CCDC91: variants seen among roughly 807,000 people sequenced by gnomAD.
The protein encoded by CCDC91 is coiled-coil domain-containing protein 91.
Under a neutral mutation model 63.2 loss-of-function variants are expected in CCDC91, and 48 were observed. The ratio of observed to expected loss-of-function variants is 0.76; its 90% CI spans 0.60 to 0.97. The LOEUF (loss-of-function observed/expected upper bound fraction) is 0.97. CCDC91 is among the 50% of genes least tolerant of loss of function. The probability of loss-of-function intolerance (pLI) is 0.00; values close to 1 mark genes in which losing one functional copy is unlikely to be tolerated. For missense variants in CCDC91, 500 were observed against 494.6 expected, an observed-to-expected ratio of 1.01 and a Z score of -0.10; for synonymous variants, 167 against 165.8, an observed-to-expected ratio of 1.01 and a Z score of -0.06.
intron 7 of CCDC91, among the ~76,000 whole-genome samples, chr12:28,364,482 A>G (rs1415068404): frequency 2.6e-5 from 4 of 152,220 alleles, no homozygotes; most frequent in Non-Finnish European, 4.4e-5. Context: ...GTTAATGTAA[A>G]CCAGTTTTAC....
intron 1 of CCDC91, among the ~76,000 whole-genome samples, chr12:28,231,784 T>G (rs1202704743): frequency 6.6e-6 from 1 of 152,158 alleles, no homozygotes; most frequent in East Asian, 1.9e-4. Context: ...ACTTTATTCT[T>G]GTTTATATGA....
intron 1 of CCDC91, among the ~76,000 whole-genome samples, chr12:28,235,714 C>T (rs2135882596): frequency 6.6e-6 from 1 of 151,906 alleles, no homozygotes; most frequent in East Asian, 1.9e-4. Context: ...TTTTAGACTA[C>T]AGTATGAGAT....
chr12:28,423,809 C>T (rs1948151531), intron 8 of CCDC91, among the ~76,000 whole-genome samples: 2 of 151,646 alleles, frequency 1.3e-5, no homozygotes, highest in East Asian at 3.9e-4. Flanking sequence ...AATTTAGTTT[C>T]CAAAAAAGAA....
Position 28,293,895 on chromosome 12 carries a change from G to A in CCDC91, c.110-11754G>A, listed in dbSNP as rs900813883. Among the ~76,000 whole-genome samples, 11 of 151,958 alleles carry A rather than the reference G, an allele frequency of 7.2e-5. No homozygotes were observed. In the East Asian group the frequency reaches 7.8e-4, roughly 11 times the overall value. Reference sequence around the variant, plus strand: ...GTGCTCACCTCCTTGTCTGCAGTGCGCCTGGCTCCTTGCCTGTATTTTTCA... The same window carrying A: ...GTGCTCACCTCCTTGTCTGCAGTGCACCTGGCTCCTTGCCTGTATTTTTCA... On this transcript the variant is annotated intron_variant, in intron 3 of 12. Coordinates refer to ENST00000536442, the MANE Select transcript of CCDC91 (RefSeq NM_018318.5).
chr12:28,454,896 T>C (rs1949989802), intron 11 of CCDC91, among the ~76,000 whole-genome samples: 1 of 152,014 alleles, frequency 6.6e-6, no homozygotes, highest in South Asian at 2.1e-4. Context: ...TTTCAGTTTG[T>C]CTCTGGATTT....
chr12:28,394,140 C>T (rs1056512450), intron 8 of CCDC91, among the ~76,000 whole-genome samples: 7 of 152,062 alleles, frequency 4.6e-5, no homozygotes, highest in Non-Finnish European at 7.4e-5. Flanking sequence ...GGATTATAAG[C>T]GGTTCAGTAT....
rs185011015 is a variant in CCDC91 at position 28,358,188 on chromosome 12, A to T, written c.577-4250A>T. On this transcript the variant is annotated intron_variant, in intron 6 of 12. Coordinates refer to ENST00000536442, the MANE Select transcript of CCDC91 (RefSeq NM_018318.5). ...ACAGATAGAGAAATGTACCCAAAAA[A>T]TTTTTTTAATTTATATGCTTAGCTT... 1.4e-3 allele frequency among the ~76,000 whole-genome samples: 216 copies of T among 152,258 alleles called. 1 individual carries two copies. The highest frequency in any genetic ancestry group is 0.01 in the Middle Eastern group (3 of 294).
intron 12 of CCDC91, among the ~76,000 whole-genome samples, chr12:28,525,438 T>C (rs535274065): frequency 6.6e-6 from 1 of 152,264 alleles, no homozygotes; most frequent in African/African-American, 2.4e-5. Flanking sequence ...TGATTTCCAG[T>C]TTTATTCCAC....
chr12:28,285,121 T>C (rs545843021), intron 3 of CCDC91, among the ~76,000 whole-genome samples: 6 of 152,286 alleles, frequency 3.9e-5, no homozygotes, highest in South Asian at 4.1e-4. Flanking sequence ...TTATTAATTG[T>C]AAAATGTGAA....
At chr12:28,393,984 A>G (rs1469252674) in intron 8 of CCDC91, among the ~76,000 whole-genome samples, 1 of 152,216 alleles carries the variant, frequency 6.6e-6, no homozygotes, top group Non-Finnish European at 1.5e-5. Flanking sequence ...AATAGTATCT[A>G]CGTTTAACCA....
intron 1 of CCDC91, among the ~76,000 whole-genome samples, chr12:28,192,245 G>A (rs1218120571): frequency 6.6e-6 from 1 of 152,170 alleles, no homozygotes; most frequent in Non-Finnish European, 1.5e-5. Flanking sequence ...TGGACAAACA[G>A]GAATTTGGTG....
chr12:28,374,101 T>G (rs1944795908), intron 7 of CCDC91, among the ~76,000 whole-genome samples: 1 of 152,180 alleles, frequency 6.6e-6, no homozygotes, highest in South Asian at 2.1e-4. Flanking sequence ...ACAGATGACA[T>G]TCTGGAGTAG....
intron 11 of CCDC91, among the ~76,000 whole-genome samples, chr12:28,471,827 A>G (rs1213365688): frequency 6.6e-6 from 1 of 151,418 alleles, no homozygotes; most frequent in African/African-American, 2.4e-5. Context: ...TCAGCTCACT[A>G]CAACCTCCGC....
chr12:28,429,835 A>T (rs1322510515), intron 8 of CCDC91, among the ~76,000 whole-genome samples: 1 of 128,728 alleles, frequency 7.8e-6, no homozygotes, highest in Non-Finnish European at 1.5e-5. Flanking sequence ...AATCAAGATT[A>T]AAAAAAAATT....
intron 12 of CCDC91, among the ~76,000 whole-genome samples, chr12:28,484,913 T>C (rs745874284): frequency 1.3e-5 from 2 of 150,666 alleles, no homozygotes; most frequent in Non-Finnish European, 3.0e-5. Flanking sequence ...GTTTAGTATA[T>C]GTTACATATT....
chr12:28,276,365 T>C (rs1948226812), intron 3 of CCDC91, among the ~76,000 whole-genome samples: 1 of 152,040 alleles, frequency 6.6e-6, no homozygotes, highest in South Asian at 2.1e-4. Flanking sequence ...CAAAGAGATA[T>C]ATTTGTTTTC....
At chr12:28,256,983 A>G (rs1412869632) in intron 1 of CCDC91, 3 of 446,998 alleles carry the variant, frequency 6.7e-6, no homozygotes, top group African/African-American at 4.1e-5. Context: ...TGGCATCTCA[A>G]CATAAAATGG....
chr12:28,245,451 G>A (rs1945666504), intron 1 of CCDC91, among the ~76,000 whole-genome samples: 1 of 151,872 alleles, frequency 6.6e-6, no homozygotes, highest in African/African-American at 2.4e-5. Context: ...AGATGGCAAA[G>A]GATTTAAAAA....
chr12:28,494,095 T>A (rs964020234), intron 12 of CCDC91, among the ~76,000 whole-genome samples: 1 of 151,758 alleles, frequency 6.6e-6, no homozygotes, highest in African/African-American at 2.4e-5. Context: ...AAGATTTCCC[T>A]GCCTGATGAC....
Sources: gnomAD v4.1 joint callset for allele counts (sites outside exome capture counted in the v4.1 genomes callset) on GRCh38, gnomAD v4.1.1 for gene constraint, MANE v1.5 for transcripts, NCBI Gene and HGNC (gene_info 2026-07-23, HGNC 2026-07-21) for gene names.